The following DNAH7 variants were observed in gnomAD, a reference collection of about 807,000 sequenced individuals.
DNAH7 encodes the protein dynein axonemal heavy chain 7.
A neutral mutation model predicts 444.6 loss-of-function variants in DNAH7; 397 were observed. That is an observed-to-expected ratio of 0.89 (90% CI 0.82 to 0.97). DNAH7 has a LOEUF of 0.97. Ranked by LOEUF, DNAH7 falls within the 50% of genes least tolerant of loss-of-function variation. The pLI is 0.00. For missense variants in DNAH7, 4,902 were observed against 4,800.8 expected, an observed-to-expected ratio of 1.02 and a Z score of -0.62; for synonymous variants, 1,636 against 1,624.4, an observed-to-expected ratio of 1.01 and a Z score of -0.17.
intron 12 of DNAH7, among the ~76,000 whole-genome samples, chr2:195,997,898 T>C (rs997645218): frequency 6.6e-6 from 1 of 152,160 alleles, no homozygotes; most frequent in Non-Finnish European, 1.5e-5. Flanking sequence ...AATCTGTATC[T>C]CTGGGGCAAG....
At chr2:195,999,721 T>G (rs1455991350) in intron 12 of DNAH7, among the ~76,000 whole-genome samples, 1 of 152,016 alleles carries the variant, frequency 6.6e-6, no homozygotes, top group Non-Finnish European at 1.5e-5. Flanking sequence ...ATGGAATTCC[T>G]GAAAAATAAA....
intron 24 of DNAH7, among the ~76,000 whole-genome samples, chr2:195,913,549 C>T (rs1687485362): frequency 1.3e-5 from 2 of 152,106 alleles, no homozygotes; most frequent in Non-Finnish European, 2.9e-5. Context: ...TTAAAGAAGT[C>T]CAAATAGTTT....
chr2:195,816,641 T>C lies in DNAH7; in HGVS notation c.9748A>G (p.Ile3250Val), dbSNP rs775597010. The C allele has an allele frequency of 3.1e-6, 5 of 1,610,844 alleles. No homozygotes were observed. The highest frequency in any genetic ancestry group is 4.2e-6 in the Non-Finnish European group (5 of 1,178,714). Reference protein sequence around the residue: ...LSIENSEKSEILAKRLQILKD... With the variant: ...LSIENSEKSEVLAKRLQILKD... Reference sequence around the variant, plus strand: ...TCCTTTACATACCTTTTTGCCAAAATTTCTGATTTCTCTGAATTTTCAATA... The same window carrying C: ...TCCTTTACATACCTTTTTGCCAAAACTTCTGATTTCTCTGAATTTTCAATA... Residue 3250 changes from isoleucine (I) to valine (V), a missense_variant, in exon 51 of 65, where the codon ATT becomes GTT. By Grantham distance (29) the Ile-to-Val change is conservative (BLOSUM62 3). Coordinates refer to ENST00000312428, the MANE Select transcript of DNAH7 (RefSeq NM_018897.3).
intron 63 of DNAH7, among the ~76,000 whole-genome samples, chr2:195,748,560 G>C (rs1693575117): frequency 6.6e-6 from 1 of 152,136 alleles, no homozygotes; most frequent in Non-Finnish European, 1.5e-5. Context: ...AAAGCTGGAG[G>C]CATCACACTA....
At chr2:195,942,340 G>A (rs1471701914) in intron 19 of DNAH7, among the ~76,000 whole-genome samples, 1 of 151,748 alleles carries the variant, frequency 6.6e-6, no homozygotes, top group Admixed American at 6.6e-5. Flanking sequence ...TTTGTTATTT[G>A]AGAAGAAGGA....
intron 56 of DNAH7, among the ~76,000 whole-genome samples, chr2:195,795,313 C>T (rs772772696): frequency 5.3e-5 from 8 of 152,116 alleles, no homozygotes; most frequent in Non-Finnish European, 1.2e-4. Flanking sequence ...ACCCAGGGGG[C>T]GGAGGTTGCA....
At position 195,808,643 on chromosome 2, in the gene DNAH7, T is replaced by C; in HGVS notation, c.10083+39A>G. 5.0e-6 allele frequency: 8 copies of C among 1,597,374 alleles called. No individual in the cohort carries two copies. In the South Asian group the frequency reaches 8.0e-5, roughly 16 times the overall value. ...AAGATACTTAACATTCTTTTCTCCA[T>C]TTAAAAACATTGGAATAAGTGAGAG... On this transcript the variant is annotated intron_variant, in intron 53 of 64. Coordinates refer to ENST00000312428, the MANE Select transcript of DNAH7 (RefSeq NM_018897.3).
chr2:196,063,703 C>T (rs1369508370), intron 1 of DNAH7: 1 of 152,320 alleles, frequency 6.6e-6, no homozygotes, highest in Admixed American at 6.5e-5. Flanking sequence ...CGACTCTCTC[C>T]TTCAGGTCCT....
At chr2:195,831,210 T>C (rs888545946) in intron 48 of DNAH7, among the ~76,000 whole-genome samples, 3 of 152,252 alleles carry the variant, frequency 2.0e-5, no homozygotes, top group Non-Finnish European at 4.4e-5. Context: ...ACTTTATCCA[T>C]TGGCATAGCT....
At chr2:195,805,243 T>C (rs1042936967) in intron 54 of DNAH7, among the ~76,000 whole-genome samples, 1 of 152,112 alleles carries the variant, frequency 6.6e-6, no homozygotes, top group Non-Finnish European at 1.5e-5. Flanking sequence ...AAACTTAATA[T>C]AAAACACGAA....
At position 195,808,845 on chromosome 2, in the gene DNAH7, G is replaced by C. The variant is rs144112024; in HGVS notation, c.9920C>G (p.Thr3307Ser). The C allele has an allele frequency of 3.6e-3, 5,760 of 1,613,586 alleles. 18 individuals carry two copies. Among genetic ancestry groups the C allele is most frequent in the Middle Eastern group, 5.1e-3 (31 of 6,058 alleles). The change falls in exon 53 of 65, where the codon ACT becomes AGT. Residue 3307 changes from threonine to serine, a missense_variant. Thr to Ser is a moderately conservative substitution (Grantham distance 58, BLOSUM62 1). Coordinates refer to ENST00000312428, the MANE Select transcript of DNAH7 (RefSeq NM_018897.3). ...INKAEWRFLL[T>S]GGIGLDNPYA... is the part of the protein sequence containing the mutation. ...AGGATTATCCAGTCCAATGCCACCA[G>C]TTAGCAGAAATCTCCACTCAGCTTT...
intron 57 of DNAH7, among the ~76,000 whole-genome samples, chr2:195,793,825 A>G (rs1696008990): frequency 6.6e-6 from 1 of 152,212 alleles, no homozygotes. Flanking sequence ...GGTCACAGAC[A>G]TTCACGTACA....
chr2:196,041,743 A>T (rs2125831001), intron 5 of DNAH7, among the ~76,000 whole-genome samples: 1 of 152,194 alleles, frequency 6.6e-6, no homozygotes, highest in East Asian at 1.9e-4. Context: ...AAAAGAAACA[A>T]TCAACAGAAT....
chr2:196,035,100 T>C (rs1377945093), intron 5 of DNAH7, among the ~76,000 whole-genome samples: 1 of 152,038 alleles, frequency 6.6e-6, no homozygotes, highest in Non-Finnish European at 1.5e-5. Context: ...GAAAATCGCT[T>C]GAACCCAGGA....
chr2:195,988,831 T>A (rs895332557), intron 12 of DNAH7, among the ~76,000 whole-genome samples: 1 of 152,072 alleles, frequency 6.6e-6, no homozygotes. Context: ...TGTCCCCATC[T>A]CCCCCATTCC....
At chr2:195,996,448 CAG>C (rs1693702706) in intron 12 of DNAH7, among the ~76,000 whole-genome samples, 1 of 144,326 alleles carries the variant, frequency 6.9e-6, no homozygotes, top group African/African-American at 2.6e-5. Context: ...TTTTTTGAGA[CAG>C]AGTCTCATTC....
At chr2:195,817,897 C>G (rs1484402585) in intron 49 of DNAH7, 68 bp from the exon 50 acceptor site, 2 of 1,232,550 alleles carry the variant, frequency 1.6e-6, no homozygotes, top group Admixed American at 2.7e-5. Flanking sequence ...TTTTATGTGT[C>G]AAGTTCTGCC....
At chr2:195,965,626 A>G (rs963971737) in intron 17 of DNAH7, among the ~76,000 whole-genome samples, 4 of 152,064 alleles carry the variant, frequency 2.6e-5, no homozygotes, top group Non-Finnish European at 4.4e-5. Context: ...TTTTTTTATT[A>G]TGCATTCAAT....
chr2:196,012,989 TATC>T (rs1425591016), intron 9 of DNAH7, 83 bp from the exon 10 acceptor site: 14 of 990,134 alleles, frequency 1.4e-5, no homozygotes, highest in Non-Finnish European at 1.8e-5. Flanking sequence ...TTCTTAAAAA[TATC>T]ATATTCCTAG....
Sources: allele counts gnomAD v4.1 joint callset (sites outside exome capture counted in the v4.1 genomes callset), GRCh38; gene constraint gnomAD v4.1.1; transcripts MANE v1.5; gene names NCBI Gene and HGNC (gene_info 2026-07-23, HGNC 2026-07-21).